Variants in COL5A1 observed in about 807,000 individuals in gnomAD.
COL5A1 encodes collagen type V alpha 1 chain, also known as collagen alpha-1(V) chain.
Under a neutral mutation model 263.7 loss-of-function variants are expected in COL5A1, and 16 were observed. The observed-to-expected ratio is 0.06, with a 90% CI of 0.04 to 0.09. The LOEUF (loss-of-function observed/expected upper bound fraction) is 0.09. Among genes scored for constraint, COL5A1 ranks in the 10% least tolerant of loss-of-function variants. The pLI, the probability that COL5A1 is intolerant of heterozygous loss-of-function variation, is 1.00. For synonymous variants in COL5A1, 1,012 were observed against 1,004.5 expected, an observed-to-expected ratio of 1.01 and a Z score of -0.14; for missense variants, 2,036 against 2,540.5, an observed-to-expected ratio of 0.80 and a Z score of 4.27.
intron 2 of COL5A1, among the ~76,000 whole-genome samples, chr9:134,695,180 A>T (rs1420648172): frequency 6.6e-6 from 1 of 151,980 alleles, no homozygotes; most frequent in Non-Finnish European, 1.5e-5. Context: ...CCCTCTTCAG[A>T]CCAGGCCTCT....
At chr9:134,770,065 G>C (rs7855580) in intron 25 of COL5A1, among the ~76,000 whole-genome samples, 1 of 152,200 alleles carries the variant, frequency 6.6e-6, no homozygotes, top group Admixed American at 6.5e-5. Flanking sequence ...AAATGTGAGC[G>C]TAGGTGGACC....
intron 28 of COL5A1, among the ~76,000 whole-genome samples, chr9:134,781,725 CATT>C (rs1837264466): frequency 6.6e-6 from 1 of 152,156 alleles, no homozygotes; most frequent in Admixed American, 6.5e-5. Context: ...TGGACTTCTG[CATT>C]ATTTGTGGCC....
intron 25 of COL5A1, 24 bp from the exon 26 acceptor site, chr9:134,772,766 T>C: frequency 1.2e-6 from 2 of 1,613,904 alleles, no homozygotes; most frequent in Non-Finnish European, 1.7e-6. Flanking sequence ...CACTGACTAA[T>C]CAATGCTTCT....
chr9:134,824,517 G>T, intron 61 of COL5A1, 83 bp from the exon 62 acceptor site: 1 of 1,572,514 alleles, frequency 6.4e-7, no homozygotes. Context: ...TGCAGATGTG[G>T]CCCCAGCTGT....
Position 134,682,910 on chromosome 9 carries a change from C to T in COL5A1, c.110-8002C>T, listed in dbSNP as rs888363131. On this transcript the variant is annotated intron_variant, in intron 1 of 65. Transcript: ENST00000371817. This position sits in a 1 kb window ranked among gnomAD's most constrained non-coding sequence, Gnocchi z 5.1. Reference sequence around the variant, plus strand: ...CAGCCTGGGCTTCAAAGGCAGCCGACCCATAGCCAGTGCTTAAAGATATTG... The same window carrying T: ...CAGCCTGGGCTTCAAAGGCAGCCGATCCATAGCCAGTGCTTAAAGATATTG... 2.0e-5 allele frequency among the ~76,000 whole-genome samples: 3 copies of T among 152,246 alleles called. No individual in the cohort carries two copies. Among genetic ancestry groups the T allele is most frequent in the Admixed American group, 6.5e-5 (1 of 15,296 alleles).
rs1442594986 is a variant in COL5A1, at chr9:134,682,824, C to T, written c.110-8088C>T. Among the ~76,000 whole-genome samples, 1 of 152,190 alleles carries T rather than the reference C, an allele frequency of 6.6e-6. No individual in the cohort carries two copies. Among genetic ancestry groups the T allele is most frequent in the African/African-American group, 2.4e-5 (1 of 41,450 alleles). ...CAAAAAGGAGCAGGCTCTGATGGAT[C>T]GCAAATGCCCAGCCTTTGGGAGCGG... On this transcript the variant is annotated intron_variant, in intron 1 of 65. Coordinates refer to ENST00000371817, the MANE Select transcript of COL5A1 (RefSeq NM_000093.5). This position sits in a 1 kb window ranked among gnomAD's most constrained non-coding sequence, Gnocchi z 5.1.
chr9:134,768,972 G>A (rs1836778214), intron 25 of COL5A1, among the ~76,000 whole-genome samples: 1 of 152,218 alleles, frequency 6.6e-6, no homozygotes, highest in Admixed American at 6.5e-5. Flanking sequence ...TCTAAGCTGT[G>A]TGGAGGGGGG....
At chr9:134,753,370 A>G (rs1221925342) in intron 14 of COL5A1, among the ~76,000 whole-genome samples, 1 of 152,062 alleles carries the variant, frequency 6.6e-6, no homozygotes, top group African/African-American at 2.4e-5. Context: ...TTGCAGGCAC[A>G]CAGAGGAGTT....
chr9:134,643,043 T>C (rs1588392702), intron 1 of COL5A1, among the ~76,000 whole-genome samples: 1 of 152,172 alleles, frequency 6.6e-6, no homozygotes, highest in Admixed American at 6.5e-5. Context: ...TGGGATGATA[T>C]GCAGATGTGG....
At chr9:134,815,481 C>T in intron 50 of COL5A1, 95 bp from the exon 51 acceptor site, 1 of 1,238,818 alleles carries the variant, frequency 8.1e-7, no homozygotes, top group Non-Finnish European at 1.2e-6. Flanking sequence ...TGGACGGTGG[C>T]AGGTGGCCAT....
intron 42 of COL5A1, among the ~76,000 whole-genome samples, chr9:134,808,463 TC>T (rs1443729404): frequency 1.3e-5 from 2 of 152,228 alleles, no homozygotes; most frequent in Admixed American, 6.5e-5. Context: ...TGCAAGCATG[TC>T]CTGTGTGTGT....
intron 52 of COL5A1, among the ~76,000 whole-genome samples, chr9:134,816,210 G>A (rs1394273216): frequency 6.6e-6 from 1 of 152,194 alleles, no homozygotes; most frequent in Admixed American, 6.5e-5. Context: ...TGAGATGCAC[G>A]TGCTGTCTCA....
chr9:134,803,456 G>A (rs770302664), intron 39 of COL5A1, among the ~76,000 whole-genome samples: 1 of 152,048 alleles, frequency 6.6e-6, no homozygotes. Context: ...CCAACATGAC[G>A]AAACCCCATC....
In COL5A1 at chr9:134,765,009, G is replaced by A. The variant is rs891953359; in HGVS notation, c.2035-672G>A. ...GCCTCTGTAATTCTCCGTGGGTGGG[G>A]GGTGTGAGTGCCCTGTGGCAGGCAG... is the stretch of plus-strand genomic sequence containing the variant. On this transcript the variant is annotated intron_variant, in intron 20 of 65. Transcript: ENST00000371817. The surrounding 1 kb of genome is among the most constrained non-coding windows in gnomAD (Gnocchi z 5.1). Among the ~76,000 whole-genome samples, 6 of 152,156 alleles carry A rather than the reference G, an allele frequency of 3.9e-5. No individual in the cohort carries two copies. Among genetic ancestry groups the A allele is most frequent in the African/African-American group, 1.4e-4 (6 of 41,438 alleles).
At chr9:134,717,174 C>T (rs909673442) in intron 4 of COL5A1, among the ~76,000 whole-genome samples, 4 of 152,136 alleles carry the variant, frequency 2.6e-5, no homozygotes, top group South Asian at 2.1e-4. Context: ...GCGCTAAGGA[C>T]GTCAAGGAAG....
intron 1 of COL5A1, among the ~76,000 whole-genome samples, chr9:134,662,397 C>G (rs541842927): frequency 6.6e-5 from 10 of 152,340 alleles, no homozygotes; most frequent in Admixed American, 5.9e-4. Flanking sequence ...TCCTTCTTTT[C>G]CACTTTGACT....
chr9:134,842,471 G>A lies in COL5A1; in HGVS notation c.*168G>A. ...ACGGGGTGTGGGACCCCAGCCCGGA[G>A]AGAACAGAGGGAAGGAGCCGCGCCC... On this transcript the variant is annotated 3_prime_UTR_variant, in exon 66 of 66. Coordinates refer to ENST00000371817, the MANE Select transcript of COL5A1 (RefSeq NM_000093.5). The surrounding 1 kb of genome is among the most constrained non-coding windows in gnomAD (Gnocchi z 5.8). 1 of 801,546 alleles carries A rather than the reference G, an allele frequency of 1.2e-6. No homozygotes were observed. Among genetic ancestry groups the A allele is most frequent in the South Asian group, 1.7e-5 (1 of 59,642 alleles). The allele number at this position is 801,546 out of a possible 1,614,324, so 49.7% of individuals were successfully genotyped here. A position where few individuals can be genotyped will look rare whatever the true frequency, so the allele number is the denominator to read the frequency against.
rs200548088 is a variant in COL5A1 at position 134,796,439 on chromosome 9, G to A, written c.2844+21G>A. The A allele has an allele frequency of 1.3e-4, 203 of 1,613,792 alleles. 1 individual carries two copies. The East Asian group carries it at 2.5e-3, about 20-fold the overall frequency. ...AACGGGTAAGCAGCTGGAGCCTTCG[G>A]GGGTGTCTCCAAGGGCAGAGCCTGC... On this transcript the variant is annotated intron_variant, in intron 35 of 65. Transcript: ENST00000371817.
intron 1 of COL5A1, among the ~76,000 whole-genome samples, chr9:134,673,531 C>T (rs1832603051): frequency 6.6e-6 from 1 of 150,534 alleles, no homozygotes; most frequent in African/African-American, 2.4e-5. Flanking sequence ...ATAGAATAAG[C>T]CATGACCCTT....
Sources: allele counts gnomAD v4.1 joint callset (sites outside exome capture counted in the v4.1 genomes callset), GRCh38; gene constraint gnomAD v4.1.1; non-coding constraint Gnocchi (gnomAD v3.1); transcripts MANE v1.5; gene names NCBI Gene and HGNC (gene_info 2026-07-23, HGNC 2026-07-21).